Variants in MYO9A observed in about 807,000 individuals in gnomAD.
The protein encoded by MYO9A is myosin IXA, also known as unconventional myosin-IXa.
Under a neutral mutation model 293.3 loss-of-function variants are expected in MYO9A, and 103 were observed. That is an observed-to-expected ratio of 0.35 (90% CI 0.30 to 0.41). MYO9A has a LOEUF of 0.41. Among genes scored for constraint, MYO9A ranks in the 10% least tolerant of loss-of-function variants. MYO9A has a pLI of 1.00. For missense variants in MYO9A, 2,685 were observed against 3,033.0 expected, an observed-to-expected ratio of 0.89 and a Z score of 2.69; for synonymous variants, 1,001 against 1,035.7, an observed-to-expected ratio of 0.97 and a Z score of 0.64.
intron 1 of MYO9A, among the ~76,000 whole-genome samples, chr15:72,070,326 C>T (rs1234409046): frequency 5.3e-5 from 8 of 151,344 alleles, no homozygotes; most frequent in African/African-American, 9.7e-5. Context: ...TGGTGGCACA[C>T]GCCTGCAGTC....
At chr15:72,021,139 T>C in intron 4 of MYO9A, 122 bp from the exon 5 acceptor site, 1 of 595,228 alleles carries the variant, frequency 1.7e-6, no homozygotes, top group Non-Finnish European at 2.9e-6. Context: ...TTTTTTAATA[T>C]AAATGTGATA....
chr15:71,980,072 C>T (rs968553347), intron 11 of MYO9A, among the ~76,000 whole-genome samples: 3 of 151,940 alleles, frequency 2.0e-5, no homozygotes, highest in Non-Finnish European at 2.9e-5. Context: ...TGGTCTCGAA[C>T]TCCTGGCCTC....
At chr15:71,879,618 G>A in intron 30 of MYO9A, 103 bp downstream of exon 30, 1 of 816,654 alleles carries the variant, frequency 1.2e-6, no homozygotes, top group East Asian at 2.6e-5. Context: ...CAAGGCACTG[G>A]AGAAATCTCT....
intron 1 of MYO9A, among the ~76,000 whole-genome samples, chr15:72,050,339 T>C (rs995866016): frequency 6.6e-6 from 1 of 152,032 alleles, no homozygotes; most frequent in Non-Finnish European, 1.5e-5. Flanking sequence ...CCGGGTGCGG[T>C]GGCTCACACC....
intron 19 of MYO9A, among the ~76,000 whole-genome samples, chr15:71,907,093 C>G (rs547140013): frequency 1.4e-5 from 2 of 143,678 alleles, no homozygotes; most frequent in Admixed American, 6.9e-5. Flanking sequence ...TCCCTCCCCC[C>G]TCCCCCTACC....
chr15:71,956,860 AATATATAT>A (rs10553052), intron 14 of MYO9A, among the ~76,000 whole-genome samples: 11 of 140,336 alleles, frequency 7.8e-5, no homozygotes, highest in Admixed American at 1.4e-4. Context: ...CACACACACA[AATATATAT>A]ATATATATAT....
intron 39 of MYO9A, 95 bp from the exon 40 acceptor site, chr15:71,830,406 G>T: frequency 8.6e-7 from 1 of 1,162,918 alleles, no homozygotes; most frequent in Non-Finnish European, 1.3e-6. Context: ...CATCACACCA[G>T]GTGAATGATA....
chr15:72,038,407 A>T (rs1367227616), intron 2 of MYO9A, among the ~76,000 whole-genome samples: 1 of 152,240 alleles, frequency 6.6e-6, no homozygotes, highest in Non-Finnish European at 1.5e-5. Context: ...CTGGGCCACA[A>T]GTCTCAATAA....
intron 35 of MYO9A, 180 bp from the exon 36 acceptor site, chr15:71,852,440 C>G: frequency 2.3e-6 from 1 of 437,878 alleles, no homozygotes; most frequent in South Asian, 3.9e-5. Flanking sequence ...CTCAGCTCAC[C>G]ACAACCTCTG....
chr15:71,998,119 A>C (rs1400729257), intron 9 of MYO9A, among the ~76,000 whole-genome samples: 1 of 152,194 alleles, frequency 6.6e-6, no homozygotes, highest in Admixed American at 6.5e-5. Context: ...GTACTTATAC[A>C]CCGTGGAATA....
chr15:71,918,015 T>C (rs1435449312), intron 18 of MYO9A, among the ~76,000 whole-genome samples: 2 of 151,932 alleles, frequency 1.3e-5, no homozygotes, highest in Admixed American at 1.3e-4. Flanking sequence ...AAGACAGATA[T>C]CACAATAAAA....
chr15:71,826,625 G>A lies in MYO9A; in HGVS notation c.7602C>T (p.Ser2534=), dbSNP rs1472255836. 3 of 1,609,532 alleles carry A rather than the reference G, an allele frequency of 1.9e-6. No homozygotes were observed. Among genetic ancestry groups the A allele is most frequent in the Non-Finnish European group, 2.5e-6 (3 of 1,178,884 alleles). Residue 2534 remains serine, a synonymous_variant, in exon 42 of 42, where the codon TCC becomes TCT. Transcript: ENST00000356056. ...TTCCAAAGAGTGCTAGCTGTTGGTT[G>A]GAGGTGCAGTCTGGGTCCACAGTTT... ...RRKTVDPDCT[S]NQQLALFGNN...
intron 1 of MYO9A, among the ~76,000 whole-genome samples, chr15:72,058,446 C>G (rs1566993561): frequency 6.6e-6 from 1 of 151,740 alleles, no homozygotes; most frequent in East Asian, 1.9e-4. Flanking sequence ...AAATCAAGAC[C>G]TAAAGAGCAA....
At chr15:71,931,028 C>G (rs1385299191) in intron 18 of MYO9A, among the ~76,000 whole-genome samples, 1 of 152,096 alleles carries the variant, frequency 6.6e-6, no homozygotes, top group East Asian at 1.9e-4. Context: ...ATTTGTGTCC[C>G]TTCACAAACT....
intron 18 of MYO9A, among the ~76,000 whole-genome samples, chr15:71,917,586 T>G (rs2058046196): frequency 6.6e-6 from 1 of 152,102 alleles, no homozygotes; most frequent in African/African-American, 2.4e-5. Context: ...CTCATCATGA[T>G]GTACTACACT....
chr15:72,003,567 G>A (rs1179896311), intron 8 of MYO9A, among the ~76,000 whole-genome samples: 4 of 151,980 alleles, frequency 2.6e-5, no homozygotes, highest in African/African-American at 9.7e-5. Flanking sequence ...AGCCGGACAT[G>A]GTGGCAGGCG....
intron 19 of MYO9A, among the ~76,000 whole-genome samples, chr15:71,912,055 T>C (rs1377823277): frequency 1.3e-5 from 2 of 152,156 alleles, no homozygotes; most frequent in Non-Finnish European, 1.5e-5. Flanking sequence ...TAAAGGATTA[T>C]TCTAGGATTT....
rs3086807 is a variant in MYO9A at position 71,905,762 on chromosome 15, C to CAAAAA, written c.2686-761_2686-757dup. 5.7e-3 allele frequency among the ~76,000 whole-genome samples: 410 copies of CAAAAA among 71,792 alleles called. 23 individuals carry two copies. The highest frequency in any genetic ancestry group is 0.018 in the African/African-American group (294 of 16,740). 47.1% of individuals were successfully genotyped at this position (71,792 alleles called of 152,430 possible). On this transcript the variant is annotated intron_variant, in intron 19 of 41. Transcript: ENST00000356056. ...TGCGCAACAAAGTGAGACTCTGTCT[C>CAAAAA]AAAAAAAAAAAAAAAAAAAAAAAAA...
intron 1 of MYO9A, among the ~76,000 whole-genome samples, chr15:72,062,302 C>T (rs951337404): frequency 1.3e-5 from 2 of 152,160 alleles, no homozygotes; most frequent in African/African-American, 2.4e-5. Context: ...CAGACACCAA[C>T]GAACACCCAC....
Sources: allele counts gnomAD v4.1 joint callset (sites outside exome capture counted in the v4.1 genomes callset), GRCh38; gene constraint gnomAD v4.1.1; transcripts MANE v1.5; gene names NCBI Gene and HGNC (gene_info 2026-07-23, HGNC 2026-07-21).